KIF16B: variants seen among roughly 807,000 people sequenced by gnomAD.
The protein encoded by KIF16B is kinesin family member 16B.
Under a neutral mutation model 156.3 loss-of-function variants are expected in KIF16B, and 98 were observed. That is an observed-to-expected ratio of 0.63 (90% CI 0.53 to 0.74). The LOEUF is 0.74. Among genes scored for constraint, KIF16B ranks in the 30% least tolerant of loss-of-function variants. The pLI, the probability that KIF16B is intolerant of heterozygous loss-of-function variation, is 0.00. For missense variants in KIF16B, 1,421 were observed against 1,606.5 expected, an observed-to-expected ratio of 0.88 and a Z score of 1.97; for synonymous variants, 564 against 583.7, an observed-to-expected ratio of 0.97 and a Z score of 0.49.
intron 12 of KIF16B, among the ~76,000 whole-genome samples, chr20:16,457,294 G>A (rs1280142057): frequency 1.3e-5 from 2 of 152,052 alleles, no homozygotes; most frequent in East Asian, 1.9e-4. Flanking sequence ...GTGGTCCACT[G>A]CCAAATGACA....
intron 17 of KIF16B, among the ~76,000 whole-genome samples, chr20:16,394,563 T>C (rs6111089): frequency 0.16 from 24,630 of 152,124 alleles, 2,696 homozygotes; most frequent in East Asian, 0.6. Context: ...AAACCAGCCT[T>C]GCAGCAAACT....
chr20:16,540,673 A>G (rs906170310), intron 1 of KIF16B, among the ~76,000 whole-genome samples: 8 of 152,006 alleles, frequency 5.3e-5, no homozygotes, highest in African/African-American at 1.9e-4. Context: ...CACATTCAAA[A>G]CTAGTCCCAG....
chr20:16,382,458 C>T (rs1600252499), intron 17 of KIF16B, among the ~76,000 whole-genome samples: 1 of 152,204 alleles, frequency 6.6e-6, no homozygotes, highest in East Asian at 1.9e-4. Context: ...GATAGTTATA[C>T]TGCATGTAGG....
chr20:16,421,373 C>T (rs1047072148), intron 15 of KIF16B, among the ~76,000 whole-genome samples: 11 of 152,058 alleles, frequency 7.2e-5, no homozygotes, highest in African/African-American at 2.7e-4. Context: ...TGTAGCTCCA[C>T]CTGATATAAC....
At chr20:16,369,995 C>T (rs981598110) in intron 22 of KIF16B, among the ~76,000 whole-genome samples, 5 of 152,174 alleles carry the variant, frequency 3.3e-5, no homozygotes, top group African/African-American at 4.8e-5. Flanking sequence ...GAACATCCAC[C>T]TCTTGCTGTC....
chr20:16,326,386 C>T (rs1329788524), intron 24 of KIF16B, among the ~76,000 whole-genome samples: 1 of 151,248 alleles, frequency 6.6e-6, no homozygotes, highest in South Asian at 2.1e-4. Context: ...GGGAGAAAAT[C>T]TTTGCAAACT....
At position 16,542,370 on chromosome 20, in the gene KIF16B, G is replaced by C. The variant is rs115186852; in HGVS notation, c.48-13930C>G. On this transcript the variant is annotated intron_variant, in intron 1 of 25. Coordinates refer to ENST00000354981, the MANE Select transcript of KIF16B (RefSeq NM_024704.5). ...TTTCACATACCAGATAATAGCCTCA[G>C]TGCAGGAATAAAATGGTAAACAATA... Among the ~76,000 whole-genome samples the C allele has an allele frequency of 4.6e-3, 693 of 152,242 alleles. 7 individuals carry two copies. The highest frequency in any genetic ancestry group is 0.015 in the African/African-American group (642 of 41,528).
At chr20:16,494,982 A>G (rs1194425531) in intron 11 of KIF16B, among the ~76,000 whole-genome samples, 3 of 152,246 alleles carry the variant, frequency 2.0e-5, no homozygotes, top group Admixed American at 2.0e-4. Flanking sequence ...AACACAGCAC[A>G]GTTGGAAATT....
intron 25 of KIF16B, among the ~76,000 whole-genome samples, chr20:16,309,154 G>A (rs2063583074): frequency 6.6e-6 from 1 of 152,180 alleles, no homozygotes; most frequent in African/African-American, 2.4e-5. Flanking sequence ...AAAATGCTGG[G>A]AGCATTTGAG....
chr20:16,412,235 C>T (rs1256670809), intron 15 of KIF16B, among the ~76,000 whole-genome samples: 1 of 151,826 alleles, frequency 6.6e-6, no homozygotes, highest in Non-Finnish European at 1.5e-5. Context: ...CTAGAAAACA[C>T]CATTGGGTGT....
chr20:16,465,524 G>A lies in KIF16B; in HGVS notation c.1302+28767C>T, dbSNP rs73597769. 4.0e-3 allele frequency among the ~76,000 whole-genome samples: 610 copies of A among 152,110 alleles called. 10 individuals carry two copies. The East Asian group carries it at 0.059, about 15-fold the overall frequency. On this transcript the variant is annotated intron_variant, in intron 12 of 25. Transcript: ENST00000354981. ...TTTAGCATGTTATTTTAAAGCATGTGGCTATATCCACGCACATTCCTACAT... is the reference window on the plus strand; with the variant it reads ...TTTAGCATGTTATTTTAAAGCATGTAGCTATATCCACGCACATTCCTACAT...
intron 10 of KIF16B, among the ~76,000 whole-genome samples, chr20:16,498,289 T>G (rs765138733): frequency 2.6e-5 from 4 of 152,228 alleles, no homozygotes; most frequent in Non-Finnish European, 5.9e-5. Flanking sequence ...GGGCTTAAAC[T>G]GCACTCTTAA....
chr20:16,486,050 T>C (rs1222972184), intron 12 of KIF16B, among the ~76,000 whole-genome samples: 1 of 152,174 alleles, frequency 6.6e-6, no homozygotes, highest in Non-Finnish European at 1.5e-5. Flanking sequence ...TGATATTGCT[T>C]TATCAACAAA....
At chr20:16,338,338 G>C (rs1422325981) in intron 23 of KIF16B, among the ~76,000 whole-genome samples, 1 of 152,138 alleles carries the variant, frequency 6.6e-6, no homozygotes, top group Non-Finnish European at 1.5e-5. Context: ...TACTCTGTGA[G>C]CATAGTGCTT....
intron 25 of KIF16B, among the ~76,000 whole-genome samples, chr20:16,276,829 C>T (rs896520340): frequency 2.0e-5 from 3 of 152,238 alleles, no homozygotes; most frequent in South Asian, 2.1e-4. Context: ...GCTTAGGAAA[C>T]GTGCTGAGAG....
At chr20:16,310,284 A>T (rs989909038) in intron 25 of KIF16B, among the ~76,000 whole-genome samples, 1 of 152,246 alleles carries the variant, frequency 6.6e-6, no homozygotes, top group African/African-American at 2.4e-5. Context: ...AACTCTGCTC[A>T]TCAACAGCTG....
intron 1 of KIF16B, among the ~76,000 whole-genome samples, chr20:16,567,020 A>G (rs1452726232): frequency 6.6e-6 from 1 of 152,220 alleles, no homozygotes; most frequent in Admixed American, 6.5e-5. Flanking sequence ...TAAAATCATT[A>G]GTGAAATAAA....
At chr20:16,507,315 GATGTGTCCAACTGT>G (rs2068814163) in intron 7 of KIF16B, among the ~76,000 whole-genome samples, 1 of 152,004 alleles carries the variant, frequency 6.6e-6, no homozygotes, top group South Asian at 2.1e-4. Flanking sequence ...CTTTGTATCT[GATGTGTCCAACTGT>G]TAACCCAGAT....
intron 25 of KIF16B, among the ~76,000 whole-genome samples, chr20:16,303,303 T>C (rs2122620389): frequency 6.6e-6 from 1 of 152,388 alleles, no homozygotes; most frequent in East Asian, 1.9e-4. Context: ...CTAATGGTTC[T>C]ATAGTGTATG....
Sources: allele counts gnomAD v4.1 joint callset (sites outside exome capture counted in the v4.1 genomes callset), GRCh38; gene constraint gnomAD v4.1.1; transcripts MANE v1.5; gene names NCBI Gene and HGNC (gene_info 2026-07-23, HGNC 2026-07-21).